Variants in TAFA4 observed in about 807,000 individuals in gnomAD.
The protein encoded by TAFA4 is TAFA chemokine like family member 4.
TAFA4 carries 20 observed loss-of-function variants against 21.1 expected under a neutral mutation model. That is an observed-to-expected ratio of 0.95 (90% CI 0.67 to 1.38). The LOEUF (loss-of-function observed/expected upper bound fraction) is 1.38, where lower values mean the gene tolerates loss of function less well. Ranked by LOEUF, TAFA4 falls within the 40% of genes most tolerant of loss-of-function variation. The pLI is 0.00. For synonymous variants in TAFA4, 71 were observed against 67.4 expected (o/e 1.05, Z -0.26); for missense variants, 211 against 180.9 (o/e 1.17, Z -0.95).
At chr3:68,776,751 G>A (rs936075474) in intron 3 of TAFA4, among the ~76,000 whole-genome samples, 24 of 152,024 alleles carry the variant, frequency 1.6e-4, no homozygotes, top group Non-Finnish European at 2.8e-4. Context: ...CCATATTGTG[G>A]AACATACCGT....
At chr3:68,923,321 A>T (rs1465370836) in intron 1 of TAFA4, among the ~76,000 whole-genome samples, 1 of 152,168 alleles carries the variant, frequency 6.6e-6, no homozygotes, top group Non-Finnish European at 1.5e-5. Flanking sequence ...CTATAAAGTG[A>T]CTAAACGTGC....
At chr3:68,790,713 C>T (rs1002275191) in intron 3 of TAFA4, among the ~76,000 whole-genome samples, 5 of 152,092 alleles carry the variant, frequency 3.3e-5, no homozygotes, top group Admixed American at 6.6e-5. Flanking sequence ...GGTACAATGG[C>T]ATAGTAACAA....
At position 68,806,279 on chromosome 3, in the gene TAFA4, A is replaced by G. The variant is rs537004033; in HGVS notation, c.131-53261T>C. 2.0e-5 allele frequency among the ~76,000 whole-genome samples: 3 copies of G among 152,280 alleles called. No homozygotes were observed. The South Asian group carries it at 6.2e-4, about 32-fold the overall frequency. On this transcript the variant is annotated intron_variant, in intron 3 of 5. Coordinates refer to ENST00000295569, the MANE Select transcript of TAFA4 (RefSeq NM_182522.5). ...GTTTTCCTCAAATTTACTAGTAGATAGAAGAAGAGACAGTCTTTTAGCAGT... is the reference window on the plus strand; with the variant it reads ...GTTTTCCTCAAATTTACTAGTAGATGGAAGAAGAGACAGTCTTTTAGCAGT...
At chr3:68,744,842 G>A (rs1054770375) in intron 4 of TAFA4, among the ~76,000 whole-genome samples, 3 of 152,164 alleles carry the variant, frequency 2.0e-5, no homozygotes, top group South Asian at 4.1e-4. Context: ...CGTTTAATTG[G>A]AAAATATGGA....
At chr3:68,851,537 G>T (rs977410621) in intron 3 of TAFA4, among the ~76,000 whole-genome samples, 1 of 152,130 alleles carries the variant, frequency 6.6e-6, no homozygotes, top group Non-Finnish European at 1.5e-5. Flanking sequence ...AGAGCATGGT[G>T]ACCGTAGAAA....
At chr3:68,739,345 T>C in intron 4 of TAFA4, 146 bp from the exon 5 acceptor site, 1 of 947,834 alleles carries the variant, frequency 1.1e-6, no homozygotes, top group Non-Finnish European at 1.6e-6. Context: ...CAATCAGGCA[T>C]ATACTCTACA....
Position 68,904,800 on chromosome 3 carries a change from C to T in TAFA4, c.-122-19490G>A, listed in dbSNP as rs139288136. The stretch of plus-strand genomic sequence containing the variant: ...CTGCTGACTCAGGGGCATTAACTTC[C>T]AGGTTAATGGCAGTTAACTCATGGG... On this transcript the variant is annotated intron_variant, in intron 1 of 5. Transcript: ENST00000295569. Among the ~76,000 whole-genome samples the T allele has an allele frequency of 1.8e-3, 277 of 152,250 alleles. 1 individual carries two copies. The highest frequency in any genetic ancestry group is 6.4e-3 in the African/African-American group (266 of 41,532).
intron 3 of TAFA4, among the ~76,000 whole-genome samples, chr3:68,874,135 T>G (rs2089519651): frequency 6.6e-6 from 1 of 152,182 alleles, no homozygotes; most frequent in South Asian, 2.1e-4. Context: ...TCTCAGGCCC[T>G]TCTAACCCTG....
At chr3:68,777,137 A>G (rs1703063142) in intron 3 of TAFA4, among the ~76,000 whole-genome samples, 2 of 82,882 alleles carry the variant, frequency 2.4e-5, no homozygotes, top group South Asian at 7.2e-4. Context: ...TTATAAAAAT[A>G]TGAAAGATTT....
chr3:68,872,752 G>T (rs1417877503), intron 3 of TAFA4, among the ~76,000 whole-genome samples: 4 of 152,058 alleles, frequency 2.6e-5, no homozygotes, highest in Non-Finnish European at 5.9e-5. Context: ...TAGATAAATT[G>T]TCTCATTTCA....
intron 3 of TAFA4, among the ~76,000 whole-genome samples, chr3:68,825,494 AAAGT>A (rs1238973010): frequency 1.3e-5 from 2 of 149,230 alleles, no homozygotes; most frequent in Admixed American, 1.3e-4. Flanking sequence ...TTACAAAAGC[AAAGT>A]AACAGTTTCT....
chr3:68,893,105 G>C (rs1440319738), intron 1 of TAFA4, among the ~76,000 whole-genome samples: 1 of 152,116 alleles, frequency 6.6e-6, no homozygotes, highest in East Asian at 1.9e-4. Flanking sequence ...TTTTTAATTG[G>C]AAATTTTCCT....
At chr3:68,741,306 A>G (rs910999388) in intron 4 of TAFA4, among the ~76,000 whole-genome samples, 1 of 152,130 alleles carries the variant, frequency 6.6e-6, no homozygotes, top group African/African-American at 2.4e-5. Flanking sequence ...AATGTCTTAC[A>G]GTTTTTAGTG....
chr3:68,918,648 C>G (rs1162862118), intron 1 of TAFA4, among the ~76,000 whole-genome samples: 1 of 152,202 alleles, frequency 6.6e-6, no homozygotes, highest in Non-Finnish European at 1.5e-5. Context: ...AGCAATCCCC[C>G]CATCTCAGCC....
intron 1 of TAFA4, among the ~76,000 whole-genome samples, chr3:68,931,879 C>T (rs1458004834): frequency 6.6e-6 from 1 of 152,170 alleles, no homozygotes; most frequent in Admixed American, 6.5e-5. Context: ...CAGAAAAGAG[C>T]TCACGGTGAG....
chr3:68,828,453 T>C (rs1250269039), intron 3 of TAFA4, among the ~76,000 whole-genome samples: 2 of 152,212 alleles, frequency 1.3e-5, no homozygotes, highest in Non-Finnish European at 2.9e-5. Context: ...ACTGAATCTA[T>C]AAATTACCTT....
At chr3:68,755,599 A>G (rs965292481) in intron 3 of TAFA4, among the ~76,000 whole-genome samples, 1 of 152,158 alleles carries the variant, frequency 6.6e-6, no homozygotes, top group African/African-American at 2.4e-5. Flanking sequence ...GGGTTGGTCT[A>G]TATGACCAAA....
chr3:68,733,460 T>C (rs1012334003), intron 5 of TAFA4, among the ~76,000 whole-genome samples: 1 of 152,238 alleles, frequency 6.6e-6, no homozygotes, highest in African/African-American at 2.4e-5. Context: ...ATGCTGAGCA[T>C]GCTTTGTTAA....
At chr3:68,889,261 G>A (rs867540682) in intron 1 of TAFA4, among the ~76,000 whole-genome samples, 1 of 152,276 alleles carries the variant, frequency 6.6e-6, no homozygotes, top group Middle Eastern at 3.4e-3. Flanking sequence ...GACAGTTACT[G>A]ATTTACTACA....
Sources: gnomAD v4.1 joint callset for allele counts (sites outside exome capture counted in the v4.1 genomes callset) on GRCh38, gnomAD v4.1.1 for gene constraint, MANE v1.5 for transcripts, NCBI Gene and HGNC (gene_info 2026-07-23, HGNC 2026-07-21) for gene names.